PPFIBP1: variants seen among roughly 807,000 people sequenced by gnomAD.
PPFIBP1 encodes the protein liprin-beta-1.
A neutral mutation model predicts 137.8 loss-of-function variants in PPFIBP1; 112 were observed. The ratio of observed to expected loss-of-function variants is 0.81; its 90% CI spans 0.70 to 0.95. The LOEUF (loss-of-function observed/expected upper bound fraction) is 0.95, where lower values mean the gene tolerates loss of function less well. Ranked by LOEUF, PPFIBP1 falls within the 40% of genes least tolerant of loss-of-function variation. The pLI is 0.00. For synonymous variants in PPFIBP1, 378 were observed against 417.3 expected (o/e 0.91, Z 1.15); for missense variants, 1,083 against 1,196.6 (o/e 0.91, Z 1.40).
At chr12:27,681,727 G>A (rs749963734) in intron 22 of PPFIBP1, 31 bp downstream of exon 22, 1 of 1,610,326 alleles carries the variant, frequency 6.2e-7, no homozygotes, top group South Asian at 1.1e-5. Flanking sequence ...TTCACACAAT[G>A]GATACTGAGA....
At chr12:27,572,621 C>T (rs1431641559) in intron 1 of PPFIBP1, among the ~76,000 whole-genome samples, 3 of 152,098 alleles carry the variant, frequency 2.0e-5, no homozygotes, top group Non-Finnish European at 4.4e-5. Context: ...TTTGCAACCT[C>T]GAGGGAAATT....
intron 1 of PPFIBP1, among the ~76,000 whole-genome samples, chr12:27,551,768 G>A (rs930763137): frequency 2.0e-5 from 3 of 152,162 alleles, no homozygotes; most frequent in African/African-American, 7.2e-5. Context: ...TTTATTTTGA[G>A]TTAACATATT....
chr12:27,587,051 A>G (rs1429523398), intron 2 of PPFIBP1, among the ~76,000 whole-genome samples: 1 of 152,226 alleles, frequency 6.6e-6, no homozygotes. Flanking sequence ...TAAACTCCTG[A>G]AATCTTACGT....
chr12:27,621,418 A>G (rs1054282524), intron 2 of PPFIBP1, among the ~76,000 whole-genome samples: 2 of 152,238 alleles, frequency 1.3e-5, no homozygotes, highest in Admixed American at 1.3e-4. Context: ...TGAAATATGA[A>G]TAATTTGAAA....
chr12:27,646,240 A>T, intron 5 of PPFIBP1, 92 bp downstream of exon 5: 6 of 956,494 alleles, frequency 6.3e-6, no homozygotes, highest in Non-Finnish European at 9.8e-6. Context: ...TGCAGCAATC[A>T]GACTGCTAAT....
At chr12:27,537,385 C>G (rs1160897744) in intron 1 of PPFIBP1, among the ~76,000 whole-genome samples, 1 of 152,148 alleles carries the variant, frequency 6.6e-6, no homozygotes, top group Non-Finnish European at 1.5e-5. Flanking sequence ...CCGGCCTCGG[C>G]CTCCCAAAGT....
intron 24 of PPFIBP1, among the ~76,000 whole-genome samples, chr12:27,683,851 G>C (rs181187789): frequency 6.6e-6 from 1 of 150,916 alleles, no homozygotes; most frequent in African/African-American, 2.4e-5. Flanking sequence ...GCAGTGGTGC[G>C]ATCTCGGCTC....
intron 11 of PPFIBP1, among the ~76,000 whole-genome samples, chr12:27,663,790 A>G (rs1004350855): frequency 1.3e-5 from 2 of 152,002 alleles, no homozygotes; most frequent in Non-Finnish European, 2.9e-5. Context: ...CAGTGAGCCA[A>G]GATTGTACCA....
intron 17 of PPFIBP1, 128 bp downstream of exon 17, chr12:27,674,349 A>C (rs1214824506): frequency 9.8e-6 from 6 of 609,146 alleles, no homozygotes; most frequent in Non-Finnish European, 1.7e-5. Context: ...AGCCAGACAC[A>C]AAGTTCACAT....
At chr12:27,559,068 A>G (rs1202457140) in intron 1 of PPFIBP1, among the ~76,000 whole-genome samples, 5 of 151,820 alleles carry the variant, frequency 3.3e-5, no homozygotes, top group Admixed American at 6.6e-5. Context: ...GCCTCACTCT[A>G]TTGCCCCCAG....
At chr12:27,647,462 G>T (rs1372565346) in intron 5 of PPFIBP1, among the ~76,000 whole-genome samples, 1 of 152,136 alleles carries the variant, frequency 6.6e-6, no homozygotes, top group Non-Finnish European at 1.5e-5. Context: ...TTTCATAAAT[G>T]GTTGAAGTAG....
intron 4 of PPFIBP1, among the ~76,000 whole-genome samples, chr12:27,645,225 C>G (rs1375977190): frequency 2.0e-5 from 3 of 152,242 alleles, no homozygotes; most frequent in African/African-American, 7.2e-5. Flanking sequence ...ATTACATTAT[C>G]TTATGGTTAT....
At chr12:27,565,904 C>T (rs1162246566) in intron 1 of PPFIBP1, among the ~76,000 whole-genome samples, 1 of 149,826 alleles carries the variant, frequency 6.7e-6, no homozygotes, top group African/African-American at 2.5e-5. Flanking sequence ...CTCCATCTTA[C>T]TCACTTTTCC....
In PPFIBP1 at chr12:27,658,853, G is replaced by C. The variant is rs897084285; in HGVS notation, c.844+5G>C. On this transcript the variant is annotated splice_donor_5th_base_variant and intron_variant, in intron 10 of 29. Transcript: ENST00000228425. Reference sequence around the variant, plus strand: ...AAAAGAAGCTCAAAGAAAAAAGTAAGGTTTGGTGCATTTCCATCAGCCTTT... The same window carrying C: ...AAAAGAAGCTCAAAGAAAAAAGTAACGTTTGGTGCATTTCCATCAGCCTTT... 1 of 1,612,056 alleles carries C rather than the reference G, an allele frequency of 6.2e-7. No homozygotes were observed. The highest frequency in any genetic ancestry group is 1.3e-5 in the African/African-American group (1 of 74,796).
intron 5 of PPFIBP1, 94 bp from the exon 6 acceptor site, chr12:27,647,635 G>A: frequency 2.8e-6 from 2 of 717,670 alleles, no homozygotes; most frequent in East Asian, 3.0e-5. Flanking sequence ...TGAATGGTAG[G>A]ATCATTCCTT....
chr12:27,690,544 A>G lies in PPFIBP1; in HGVS notation c.2686-1205A>G, dbSNP rs112707137. Among the ~76,000 whole-genome samples the G allele has an allele frequency of 3.8e-3, 582 of 152,316 alleles. 1 individual carries two copies. Among genetic ancestry groups the G allele is most frequent in the Admixed American group, 8.4e-3 (128 of 15,306 alleles). On this transcript the variant is annotated intron_variant, in intron 27 of 29. Coordinates refer to ENST00000228425, the MANE Select transcript of PPFIBP1 (RefSeq NM_003622.4). Reference sequence around the variant, plus strand: ...CTGAGTCCAGTAGTTCAAGGCTGCAATGAGCTCTGATTGAGCTATGAGCAT... The same window carrying G: ...CTGAGTCCAGTAGTTCAAGGCTGCAGTGAGCTCTGATTGAGCTATGAGCAT...
intron 18 of PPFIBP1, chr12:27,676,803 C>G (rs1207553543): frequency 1.4e-6 from 1 of 702,162 alleles, no homozygotes; most frequent in African/African-American, 1.8e-5. Context: ...CCTGCTCTCT[C>G]CTGTGGTATA....
At chr12:27,557,386 C>T (rs1050458067) in intron 1 of PPFIBP1, among the ~76,000 whole-genome samples, 2 of 151,988 alleles carry the variant, frequency 1.3e-5, no homozygotes, top group African/African-American at 2.4e-5. Flanking sequence ...CAGGTGCCCG[C>T]CACCACGCCT....
chr12:27,567,053 TTCTG>T (rs1351557186), intron 1 of PPFIBP1, among the ~76,000 whole-genome samples: 4 of 152,232 alleles, frequency 2.6e-5, no homozygotes, highest in Admixed American at 6.5e-5. Flanking sequence ...ACTGGTTTTG[TTCTG>T]TCTGTCTTTC....
Sources: gnomAD v4.1 joint callset for allele counts (sites outside exome capture counted in the v4.1 genomes callset) on GRCh38, gnomAD v4.1.1 for gene constraint, MANE v1.5 for transcripts, NCBI Gene and HGNC (gene_info 2026-07-23, HGNC 2026-07-21) for gene names.